Variants in ANXA4 observed in about 807,000 individuals in gnomAD.
ANXA4 encodes the protein 35-beta calcimedin.
Under a neutral mutation model 49.8 loss-of-function variants are expected in ANXA4, and 39 were observed. That is an observed-to-expected ratio of 0.78 (90% CI 0.61 to 1.02). ANXA4 has a LOEUF of 1.02. Ranked by LOEUF, ANXA4 falls within the 50% of genes least tolerant of loss-of-function variation. ANXA4 has a pLI of 0.00. For synonymous variants in ANXA4, 134 were observed against 152.5 expected (o/e 0.88, Z 0.89); for missense variants, 360 against 410.1 (o/e 0.88, Z 1.05).
In ANXA4 at chr2:69,668,552, A is replaced by G. The variant is rs574315817; in HGVS notation, n.766+15270A>G. ...TCTCTCTACATTTGTGTATAGGTAA[A>G]TATACACATATATATCTTTCTCATT... On this transcript the variant is annotated intron_variant and non_coding_transcript_variant, in intron 2 of 3. Transcript: ENST00000418066. Among the ~76,000 whole-genome samples the G allele has an allele frequency of 3.3e-5, 5 of 152,360 alleles. No homozygotes were observed. In the South Asian group the frequency reaches 6.2e-4, roughly 19 times the overall value.
At chr2:69,651,740 G>C (rs1157620033) in intron 1 of ANXA4, among the ~76,000 whole-genome samples, 1 of 146,650 alleles carries the variant, frequency 6.8e-6, no homozygotes, top group East Asian at 2.1e-4. Flanking sequence ...CTGACGTCGT[G>C]ATCCCCCCAT....
intron 2 of ANXA4, among the ~76,000 whole-genome samples, chr2:69,659,123 GAA>G (rs534517641): frequency 3.3e-5 from 5 of 152,054 alleles, no homozygotes; most frequent in Non-Finnish European, 7.4e-5. Context: ...GTTACTTTGT[GAA>G]AAAAAGTCTA....
intron 1 of ANXA4, among the ~76,000 whole-genome samples, chr2:69,768,598 T>C (rs181976153): frequency 1.3e-5 from 2 of 152,260 alleles, no homozygotes; most frequent in African/African-American, 4.8e-5. Flanking sequence ...AATCAAATGG[T>C]ACCTGACATG....
chr2:69,716,885 A>C (rs1669654635), intron 2 of ANXA4, among the ~76,000 whole-genome samples: 1 of 152,214 alleles, frequency 6.6e-6, no homozygotes, highest in African/African-American at 2.4e-5. Context: ...GCGATGTTTA[A>C]GTTTTTCTGA....
At chr2:69,800,584 A>G (rs1453594734) in intron 3 of ANXA4, among the ~76,000 whole-genome samples, 1 of 152,226 alleles carries the variant, frequency 6.6e-6, no homozygotes, top group East Asian at 1.9e-4. Context: ...GGGTTCAAAG[A>G]GAAGAGATCA....
At chr2:69,793,506 A>G (rs1672788880) in intron 3 of ANXA4, among the ~76,000 whole-genome samples, 1 of 152,134 alleles carries the variant, frequency 6.6e-6, no homozygotes, top group Non-Finnish European at 1.5e-5. Context: ...AATAGGCATT[A>G]CACAAGTAAC....
intron 3 of ANXA4, among the ~76,000 whole-genome samples, chr2:69,733,196 G>A (rs1225766264): frequency 6.6e-6 from 1 of 152,184 alleles, no homozygotes. Context: ...ATTAACATCT[G>A]AATTAGTCTT....
chr2:69,747,441 C>T (rs969922563), intron 1 of ANXA4, among the ~76,000 whole-genome samples: 1 of 152,186 alleles, frequency 6.6e-6, no homozygotes, highest in African/African-American at 2.4e-5. Context: ...CCAACTTTAG[C>T]TTCTGCTATT....
At chr2:69,646,928 A>G (rs1217198257) in intron 1 of ANXA4, among the ~76,000 whole-genome samples, 1 of 152,134 alleles carries the variant, frequency 6.6e-6, no homozygotes, top group African/African-American at 2.4e-5. Flanking sequence ...CCAACCACAG[A>G]CTGGTTCTGG....
At chr2:69,717,425 C>T (rs761250637) in intron 2 of ANXA4, among the ~76,000 whole-genome samples, 2 of 152,010 alleles carry the variant, frequency 1.3e-5, no homozygotes, top group Non-Finnish European at 2.9e-5. Context: ...CCTGGCTCAT[C>T]GACACAAGCA....
At chr2:69,729,629 A>G (rs1559118302) in intron 3 of ANXA4, among the ~76,000 whole-genome samples, 1 of 152,244 alleles carries the variant, frequency 6.6e-6, no homozygotes, top group Non-Finnish European at 1.5e-5. Context: ...AATGTCCACA[A>G]TGCTATTCTC....
At chr2:69,721,579 T>C (rs980244663) in intron 3 of ANXA4, among the ~76,000 whole-genome samples, 1 of 151,932 alleles carries the variant, frequency 6.6e-6, no homozygotes, top group African/African-American at 2.4e-5. Flanking sequence ...AACACGCCTG[T>C]AGTCCCATAT....
intron 2 of ANXA4, among the ~76,000 whole-genome samples, chr2:69,662,593 C>T (rs1205511630): frequency 1.3e-5 from 2 of 152,142 alleles, no homozygotes; most frequent in Non-Finnish European, 2.9e-5. Context: ...TGCTTGGCTC[C>T]TAGAACTCTG....
At chr2:69,781,148 G>T (rs1672183951) in intron 1 of ANXA4, 3 of 209,088 alleles carry the variant, frequency 1.4e-5, no homozygotes, top group Non-Finnish European at 2.9e-5. Flanking sequence ...GATGCAGTTG[G>T]ATTATCTCTT....
intron 4 of ANXA4, among the ~76,000 whole-genome samples, 154 bp downstream of exon 4, chr2:69,804,781 C>T (rs1167946859): frequency 6.6e-6 from 1 of 152,116 alleles, no homozygotes; most frequent in Non-Finnish European, 1.5e-5. Context: ...TGTGGTGGGT[C>T]ACACCTGTAA....
chr2:69,767,386 A>G (rs192741972), intron 1 of ANXA4, among the ~76,000 whole-genome samples: 105 of 152,324 alleles, frequency 6.9e-4, no homozygotes, highest in African/African-American at 2.5e-3. Flanking sequence ...AGCAGGCTGT[A>G]CTTTGGGAAC....
intron 3 of ANXA4, among the ~76,000 whole-genome samples, chr2:69,790,666 G>T (rs530776264): frequency 6.6e-6 from 1 of 152,162 alleles, no homozygotes; most frequent in South Asian, 2.1e-4. Context: ...AGAAACCCTG[G>T]GGTTCTAGTT....
At chr2:69,706,066 A>G (rs948478152) in intron 2 of ANXA4, among the ~76,000 whole-genome samples, 5 of 151,914 alleles carry the variant, frequency 3.3e-5, no homozygotes, top group African/African-American at 4.8e-5. Flanking sequence ...AAAGCATAAT[A>G]TCTTCTTTCT....
At chr2:69,732,398 A>G (rs1315981257) in intron 3 of ANXA4, among the ~76,000 whole-genome samples, 1 of 152,140 alleles carries the variant, frequency 6.6e-6, no homozygotes, top group Non-Finnish European at 1.5e-5. Flanking sequence ...AATATCTGAT[A>G]TCTAGAAGTG....
Sources: allele counts gnomAD v4.1 joint callset (sites outside exome capture counted in the v4.1 genomes callset), GRCh38; gene constraint gnomAD v4.1.1; transcripts MANE v1.5; gene names NCBI Gene and HGNC (gene_info 2026-07-23, HGNC 2026-07-21).